Variants in MSRA observed in about 807,000 individuals in gnomAD.
MSRA encodes methionine sulfoxide reductase A, also known as mitochondrial peptide methionine sulfoxide reductase.
Under a neutral mutation model 31.3 loss-of-function variants are expected in MSRA, and 54 were observed. That is an observed-to-expected ratio of 1.73 (90% CI 1.39 to 2.17). The LOEUF is 2.17. MSRA is among the 30% of genes most tolerant of loss of function. The pLI, the probability that MSRA is intolerant of heterozygous loss-of-function variation, is 0.00. For missense variants in MSRA, 507 were observed against 300.9 expected (o/e 1.69, Z -5.07); for synonymous variants, 169 against 116.5 (o/e 1.45, Z -2.90).
intron 5 of MSRA, among the ~76,000 whole-genome samples, chr8:10,410,565 A>G (rs1808094745): frequency 6.6e-6 from 1 of 152,220 alleles, no homozygotes; most frequent in African/African-American, 2.4e-5. Context: ...AGAGGTAGAT[A>G]TCTTATCCCC....
chr8:10,328,027 A>ATTTTT (rs35940076), intron 5 of MSRA, among the ~76,000 whole-genome samples: 3,019 of 65,226 alleles, frequency 0.046, 509 homozygotes, highest in African/African-American at 0.18. Context: ...CTCTATGGTA[A>ATTTTT]TTTTTTTTTT....
chr8:10,102,799 A>T (rs142678615), intron 1 of MSRA, among the ~76,000 whole-genome samples: 1 of 152,298 alleles, frequency 6.6e-6, no homozygotes, highest in East Asian at 1.9e-4. Flanking sequence ...GTGGGGGAGT[A>T]GGAGGGTACC....
At chr8:10,311,287 G>T (rs2129132057) in intron 4 of MSRA, among the ~76,000 whole-genome samples, 1 of 152,294 alleles carries the variant, frequency 6.6e-6, no homozygotes, top group East Asian at 1.9e-4. Flanking sequence ...AATTAACCAG[G>T]TTAAAATGGA....
intron 1 of MSRA, chr8:10,095,759 A>T: frequency 8.7e-7 from 1 of 1,147,956 alleles, no homozygotes; most frequent in Middle Eastern, 3.6e-4. Flanking sequence ...CTCTTGGGCT[A>T]TTTGAAAGTG....
At chr8:10,103,084 C>G (rs1275665706) in intron 1 of MSRA, among the ~76,000 whole-genome samples, 1 of 152,144 alleles carries the variant, frequency 6.6e-6, no homozygotes, top group Non-Finnish European at 1.5e-5. Context: ...TAAGAGATGA[C>G]ATTGTAGTTT....
chr8:10,246,920 C>T (rs866901117), intron 3 of MSRA, among the ~76,000 whole-genome samples: 2 of 152,246 alleles, frequency 1.3e-5, no homozygotes, highest in South Asian at 4.1e-4. Context: ...CCTCTCAAGT[C>T]TTAGGAATGG....
chr8:10,095,773 G>A (rs1799112569), intron 1 of MSRA: 1 of 1,172,512 alleles, frequency 8.5e-7, no homozygotes, highest in African/African-American at 1.6e-5. Context: ...GAAAGTGTTG[G>A]TACATACAAT....
intron 5 of MSRA, among the ~76,000 whole-genome samples, chr8:10,387,892 C>T (rs1269932134): frequency 6.6e-6 from 1 of 152,180 alleles, no homozygotes; most frequent in Non-Finnish European, 1.5e-5. Flanking sequence ...GGTTCTCAGG[C>T]AGCTTCTAGG....
intron 1 of MSRA, among the ~76,000 whole-genome samples, chr8:10,136,146 A>C (rs920856293): frequency 6.6e-6 from 1 of 152,188 alleles, no homozygotes; most frequent in African/African-American, 2.4e-5. Flanking sequence ...TTAGAAGTCA[A>C]CTAAGTGATA....
chr8:10,237,366 A>G (rs570975631), intron 2 of MSRA, among the ~76,000 whole-genome samples: 1 of 152,358 alleles, frequency 6.6e-6, no homozygotes, highest in Non-Finnish European at 1.5e-5. Context: ...TTTAAAATTT[A>G]TCTTTCTATT....
intron 3 of MSRA, among the ~76,000 whole-genome samples, chr8:10,292,038 TG>T (rs1285188863): frequency 1.3e-5 from 2 of 152,220 alleles, no homozygotes; most frequent in Non-Finnish European, 2.9e-5. Flanking sequence ...ATAAATAAAA[TG>T]GTGCTGGCCC....
At chr8:10,193,197 T>C (rs1807669458) in intron 1 of MSRA, among the ~76,000 whole-genome samples, 1 of 152,228 alleles carries the variant, frequency 6.6e-6, no homozygotes, top group Non-Finnish European at 1.5e-5. Context: ...TCTAGAATTC[T>C]AGGGTCTTAT....
chr8:10,111,524 A>G (rs1194238055), intron 1 of MSRA, among the ~76,000 whole-genome samples: 1 of 152,186 alleles, frequency 6.6e-6, no homozygotes, highest in African/African-American at 2.4e-5. Context: ...GGGAATTATC[A>G]TAGGGAGGGA....
intron 2 of MSRA, among the ~76,000 whole-genome samples, chr8:10,213,821 T>C (rs866563133): frequency 2.0e-5 from 3 of 152,118 alleles, no homozygotes; most frequent in Non-Finnish European, 4.4e-5. Flanking sequence ...TACACTGATT[T>C]CCTCTCTTTT....
intron 2 of MSRA, among the ~76,000 whole-genome samples, chr8:10,215,680 T>C (rs1809927741): frequency 2.6e-5 from 4 of 152,216 alleles, no homozygotes; most frequent in Non-Finnish European, 5.9e-5. Flanking sequence ...AGGCTCACTC[T>C]CACCATGTGT....
chr8:10,417,226 T>C (rs942382075), intron 5 of MSRA, among the ~76,000 whole-genome samples: 1 of 152,078 alleles, frequency 6.6e-6, no homozygotes, highest in Non-Finnish European at 1.5e-5. Context: ...GATGGGGGCT[T>C]GTAAAGGCTT....
At chr8:10,356,861 C>T (rs908757801) in intron 5 of MSRA, among the ~76,000 whole-genome samples, 2 of 149,304 alleles carry the variant, frequency 1.3e-5, no homozygotes, top group African/African-American at 5.0e-5. Context: ...GTGCACGTTC[C>T]TTGCTGCTGT....
rs547992853 is a variant in MSRA, at chr8:10,122,681, C to A, written c.142+68023C>A. Among the ~76,000 whole-genome samples the A allele has an allele frequency of 4.3e-4, 65 of 152,084 alleles. 2 individuals are homozygous for A. The highest frequency in any genetic ancestry group is 4.1e-3 in the Admixed American group (63 of 15,268). On this transcript the variant is annotated intron_variant, in intron 1 of 5. Transcript: ENST00000317173. ...AGTTATTTTTTCTGCTCTTGTCCTT[C>A]CTCCTGCCCTCTACACTCAAGGAGG...
intron 1 of MSRA, among the ~76,000 whole-genome samples, chr8:10,199,291 C>T (rs898994758): frequency 3.3e-5 from 5 of 152,158 alleles, no homozygotes; most frequent in African/African-American, 4.8e-5. Context: ...CACCCTAGGC[C>T]GGTAGGCTCA....
Sources: gnomAD v4.1 joint callset for allele counts (sites outside exome capture counted in the v4.1 genomes callset) on GRCh38, gnomAD v4.1.1 for gene constraint, MANE v1.5 for transcripts, NCBI Gene and HGNC (gene_info 2026-07-23, HGNC 2026-07-21) for gene names.